Variants in IDI1 observed in about 807,000 individuals in gnomAD.
IDI1 encodes isopentenyl-diphosphate delta isomerase 1, also known as isopentenyl-diphosphate Delta-isomerase 1.
In IDI1, 23 loss-of-function variants were observed where a neutral mutation model predicts 32.9. The observed-to-expected ratio is 0.70, with a 90% confidence interval of 0.50 to 0.99. The LOEUF is 0.99. Ranked by LOEUF, IDI1 falls within the 50% of genes least tolerant of loss-of-function variation. IDI1 has a pLI of 0.00. For missense variants in IDI1, 326 were observed against 351.9 expected (o/e 0.93, Z 0.59); for synonymous variants, 133 against 128.2 (o/e 1.04, Z -0.25).
chr10:1,043,637 A>G (rs1269486928), intron 2 of IDI1: 15 of 655,654 alleles, frequency 2.3e-5, no homozygotes, highest in Non-Finnish European at 3.9e-5. Flanking sequence ...CAAGTTCCCT[A>G]TCAAGGACAT....
upstream of IDI1, among the ~76,000 whole-genome samples, chr10:1,053,956 T>G (rs370380471): frequency 6.6e-6 from 1 of 152,094 alleles, no homozygotes; most frequent in East Asian, 1.9e-4. Context: ...AGGAGAGAGA[T>G]AGGGAGGCAG....
chr10:1,043,460 G>T, intron 2 of IDI1, 67 bp from the exon 3 acceptor site: 1 of 950,938 alleles, frequency 1.1e-6, no homozygotes, highest in Non-Finnish European at 1.7e-6. Flanking sequence ...TTCTCTCCCT[G>T]CAGTTCAGAA....
chr10:1,049,190 G>C, upstream of IDI1: 1 of 997,946 alleles, frequency 1.0e-6, no homozygotes, highest in Non-Finnish European at 1.4e-6. Context: ...CAGAGGCAGC[G>C]TCCCGCGACT....
Position 1,043,284 on chromosome 10 carries a change from A to C in IDI1, c.406+17T>G, listed in dbSNP as rs763881597. ...TTAATGTACAAACACAATATTGTAC[A>C]TTAAAAGTGTACTAACCTGGAAAGG... On this transcript the variant is annotated intron_variant, in intron 3 of 4. Coordinates refer to ENST00000381344, the MANE Select transcript of IDI1 (RefSeq NM_004508.4). 4 of 1,445,944 alleles carry C rather than the reference A, an allele frequency of 2.8e-6. No individual in the cohort carries two copies. Among genetic ancestry groups the C allele is most frequent in the Middle Eastern group, 2.2e-4 (1 of 4,590 alleles). The allele number at this position is 1,445,944 out of a possible 1,614,324, so 89.6% of individuals were successfully genotyped here. A position where few individuals can be genotyped will look rare whatever the true frequency, so the allele number is the denominator to read the frequency against.
chr10:1,049,911 C>T (rs1299305233), upstream of IDI1, among the ~76,000 whole-genome samples: 2 of 152,200 alleles, frequency 1.3e-5, no homozygotes, highest in Non-Finnish European at 2.9e-5. Flanking sequence ...GCTCAGCTTA[C>T]CGAAGTGCTG....
chr10:1,042,490 T>C, intron 4 of IDI1, 142 bp downstream of exon 4: 1 of 766,836 alleles, frequency 1.3e-6, no homozygotes, highest in Non-Finnish European at 2.2e-6. Context: ...ATAATCTTTA[T>C]TCAAGATGGT....
Position 1,049,034 on chromosome 10 carries a change from G to C in IDI1, c.-31C>G. The C allele has an allele frequency of 6.8e-7, 1 of 1,466,000 alleles. No homozygotes were observed. Among genetic ancestry groups the C allele is most frequent in the Non-Finnish European group, 8.9e-7 (1 of 1,118,052 alleles). The allele number at this position is 1,466,000 out of a possible 1,614,324, so 90.8% of individuals were successfully genotyped here. ...GGCCAATTGGCGCCCGTACGCGCTT[G>C]ACGACACAATCTCGCCAAGCTTCGC... On this transcript the variant is annotated 5_prime_UTR_variant, in exon 1 of 5. Coordinates refer to ENST00000381344, the MANE Select transcript of IDI1 (RefSeq NM_004508.4).
At chr10:1,045,866 GGTGTGT>G (rs10598743) in intron 1 of IDI1, among the ~76,000 whole-genome samples, 538 of 151,062 alleles carry the variant, frequency 3.6e-3, no homozygotes, top group Admixed American at 5.3e-3. Flanking sequence ...ATAGGGTCTG[GGTGTGT>G]GTGTGTGTGT....
Position 1,041,367 on chromosome 10 carries a change from AATCTC to A in IDI1, c.670_674del (p.Glu224Ter), listed in dbSNP as rs1346467900. 6.2e-7 allele frequency: 1 copy of A among 1,613,742 alleles called. No homozygotes were observed. Among genetic ancestry groups the A allele is most frequent in the South Asian group, 1.1e-5 (1 of 91,080 alleles). On this transcript the variant is annotated frameshift_variant, in exon 5 of 5. Transcript: ENST00000381344. LOFTEE classifies it high-confidence loss of function. ...CCTTTGACACATAACAATAGCTTTT[AATCTC>A]ATTGGGATCTGGATTCAAAGTTACA...
Position 1,041,231 on chromosome 10 carries a change from G to C in IDI1, c.811C>G (p.His271Asp). 3 of 1,611,876 alleles carry C rather than the reference G, an allele frequency of 1.9e-6. No homozygotes were observed. Among genetic ancestry groups the C allele is most frequent in the Non-Finnish European group, 2.5e-6 (3 of 1,178,394 alleles). The stretch of plus-strand genomic sequence containing the variant: ...TCATGGTCAACAAACTGATTCAAAT[G>C]ATTTAAGTTATCCCACCATTTAAAG... The part of the protein sequence containing the change: ...FLFKWWDNLN[H>D]LNQFVDHEKI... Residue 271 changes from histidine to aspartate, a missense_variant, in exon 5 of 5, where the codon CAT (histidine) becomes GAT (aspartate). Physicochemically the swap from His to Asp is moderately conservative, Grantham distance 81. This residue lies in a region of IDI1 where 205 missense variants were observed against 273.5 expected (regional missense o/e 0.75). Coordinates refer to ENST00000381344, the MANE Select transcript of IDI1 (RefSeq NM_004508.4).
At chr10:1,046,335 A>C (rs182026490) in intron 1 of IDI1, among the ~76,000 whole-genome samples, 408 of 152,322 alleles carry the variant, frequency 2.7e-3, no homozygotes, top group Non-Finnish European at 4.3e-3. Context: ...GGAGCACAAC[A>C]CATCACCTTT....
At chr10:1,048,386 C>T (rs2131583507) in intron 1 of IDI1, 3 of 1,304,758 alleles carry the variant, frequency 2.3e-6, no homozygotes, top group Admixed American at 2.3e-5. Flanking sequence ...GTGTTGCTGT[C>T]ACCCTCTTGC....
Position 1,048,909 on chromosome 10 carries a change from C to A in IDI1, c.95G>T (p.Gly32Val), listed in dbSNP as rs1395374536. 5 of 1,605,860 alleles carry A rather than the reference C, an allele frequency of 3.1e-6. No individual in the cohort carries two copies. In the South Asian group the frequency reaches 5.5e-5, roughly 18 times the overall value. Residue 32 changes from glycine (G) to valine (V), a missense_variant, in exon 1 of 5, where the codon GGG (glycine) becomes GTG (valine). Gly to Val is a moderately radical substitution (Grantham distance 109). This residue lies in a region of IDI1 where 121 missense variants were observed against 78.4 expected (regional missense o/e 1.54). Coordinates refer to ENST00000381344, the MANE Select transcript of IDI1 (RefSeq NM_004508.4). ...AVRAADCAQS[G>V]RHPGPAVVCG... ...GACAACCGCCGGTCCCGGATGGCGC[C>A]CGCTTTGAGCACAGTCTGCGGCGCG...
At chr10:1,043,581 C>G in intron 2 of IDI1, 188 bp from the exon 3 acceptor site, 1 of 688,530 alleles carries the variant, frequency 1.5e-6, no homozygotes, top group Admixed American at 2.0e-5. Context: ...GGAAGTTGGC[C>G]GTCGAGTGAA....
chr10:1,048,660 CG>C, intron 1 of IDI1: 1 of 1,410,216 alleles, frequency 7.1e-7, no homozygotes, highest in Non-Finnish European at 9.2e-7. Context: ...CCGCCTTCCA[CG>C]GGGCGCGGGC....
intron 2 of IDI1, 49 bp from the exon 3 acceptor site, chr10:1,043,442 T>C: frequency 8.6e-7 from 1 of 1,163,916 alleles, no homozygotes; most frequent in Non-Finnish European, 1.3e-6. Flanking sequence ...TACCAGTTAT[T>C]TGCCAAATTC....
chr10:1,041,165 C>A lies in IDI1; in HGVS notation c.*22G>T. The A allele has an allele frequency of 7.2e-7, 1 of 1,383,110 alleles. No homozygotes were observed. The highest frequency in any genetic ancestry group is 1.0e-6 in the Non-Finnish European group (1 of 1,001,584). The allele number at this position is 1,383,110 out of a possible 1,614,324, so 85.7% of individuals were successfully genotyped here. On this transcript the variant is annotated 3_prime_UTR_variant, in exon 5 of 5. Transcript: ENST00000381344. Reference sequence around the variant, plus strand: ...AAGTTTGTTAAGCAGATAAATTTTTCTGTAATCATTTACCTACATATTCAC... The same window carrying A: ...AAGTTTGTTAAGCAGATAAATTTTTATGTAATCATTTACCTACATATTCAC...
chr10:1,039,811 A>C lies in IDI1; in HGVS notation c.*1376T>G, dbSNP rs1056933764. The stretch of plus-strand genomic sequence containing the variant: ...TCAGCCTAAAACTTCCTAGAAAATA[A>C]AACTAAAAAAATTAGAAACAATATT... On this transcript the variant is annotated 3_prime_UTR_variant, in exon 5 of 5. Coordinates refer to ENST00000381344, the MANE Select transcript of IDI1 (RefSeq NM_004508.4). 2 of 152,254 alleles carry C rather than the reference A, an allele frequency of 1.3e-5. No homozygotes were observed. The highest frequency in any genetic ancestry group is 2.9e-5 in the Non-Finnish European group (2 of 68,050). 9.4% of individuals were successfully genotyped at this position (152,254 alleles called of 1,614,324 possible).
intron 1 of IDI1, chr10:1,048,306 G>A (rs868367076): frequency 3.1e-6 from 4 of 1,304,462 alleles, no homozygotes; most frequent in Middle Eastern, 4.3e-4. Flanking sequence ...CCAAGAAAAA[G>A]GTCTAGTTCC....
Sources: allele counts gnomAD v4.1 joint callset (sites outside exome capture counted in the v4.1 genomes callset), GRCh38; gene constraint gnomAD v4.1.1; regional missense constraint gnomAD v4.1.1; transcripts MANE v1.5; gene names NCBI Gene and HGNC (gene_info 2026-07-23, HGNC 2026-07-21).